Variants in DACH2 observed in about 807,000 individuals in gnomAD.
DACH2 encodes dachshund family transcription factor 2.
DACH2 carries 17 observed loss-of-function variants against 35.8 expected under a neutral mutation model. The ratio of observed to expected loss-of-function variants is 0.48; its 90% CI spans 0.33 to 0.71. The LOEUF (loss-of-function observed/expected upper bound fraction) is 0.71, where lower values mean the gene tolerates loss of function less well. Ranked by LOEUF, DACH2 falls within the 30% of genes least tolerant of loss-of-function variation. The probability of loss-of-function intolerance (pLI) is 0.02; values close to 1 mark genes in which losing one functional copy is unlikely to be tolerated. For synonymous variants in DACH2, 195 were observed against 177.3 expected, an observed-to-expected ratio of 1.10 and a Z score of -0.79; for missense variants, 469 against 472.7, an observed-to-expected ratio of 0.99 and a Z score of 0.07.
chrX:86,271,898 T>G (rs1184492149), intron 1 of DACH2, among the ~76,000 whole-genome samples: 1 of 111,149 alleles, frequency 9.0e-6, no homozygotes, highest in Non-Finnish European at 1.9e-5. Flanking sequence ...GATTGTGTAG[T>G]GGTGAAGTGA....
chrX:86,331,482 A>G (rs1326519539), intron 1 of DACH2, among the ~76,000 whole-genome samples: 1 of 110,969 alleles, frequency 9.0e-6, no homozygotes, highest in Non-Finnish European at 1.9e-5. Flanking sequence ...AAACAAACAA[A>G]CAAACAAAAA....
intron 5 of DACH2, among the ~76,000 whole-genome samples, chrX:86,702,545 A>T (rs1365772737): frequency 8.9e-6 from 1 of 112,010 alleles, no homozygotes; most frequent in Non-Finnish European, 1.9e-5. Flanking sequence ...AATCAAGAAA[A>T]GAAGAGAGAT....
chrX:86,607,864 G>A (rs1191786537), intron 3 of DACH2, among the ~76,000 whole-genome samples: 3 of 105,217 alleles, frequency 2.9e-5, no homozygotes, highest in South Asian at 4.5e-4. Flanking sequence ...TTGTTCTTGC[G>A]ATAGTTTACT....
rs1480989652 is a variant in DACH2 at position 86,818,696 on chromosome X, C to T, written c.1750+2597C>T. On this transcript the variant is annotated intron_variant, in intron 11 of 11. Transcript: ENST00000373125. ...TCAGTTCATGTATACCAATGCAATA[C>T]CATTTCCAAAATTCATCTCCATCAC... 2.7e-5 allele frequency among the ~76,000 whole-genome samples: 3 copies of T among 110,523 alleles called. No individual in the cohort carries two copies. In the East Asian group the frequency reaches 8.6e-4, roughly 32 times the overall value.
chrX:86,386,947 A>G (rs1304312355), intron 2 of DACH2, among the ~76,000 whole-genome samples: 1 of 111,432 alleles, frequency 9.0e-6, no homozygotes, highest in Admixed American at 9.7e-5. Flanking sequence ...ATTTTCCATC[A>G]TCCTAGTAAT....
chrX:86,533,723 T>C (rs1367631353), intron 3 of DACH2, among the ~76,000 whole-genome samples: 1 of 112,002 alleles, frequency 8.9e-6, no homozygotes, highest in Non-Finnish European at 1.9e-5. Flanking sequence ...GAGTACCAAG[T>C]TCTTTCTACA....
chrX:86,332,428 G>A (rs1333592807), intron 1 of DACH2, among the ~76,000 whole-genome samples: 1 of 111,486 alleles, frequency 9.0e-6, no homozygotes, highest in Non-Finnish European at 1.9e-5. Context: ...AATCCCTAAA[G>A]AGTAAAATGA....
At chrX:86,472,647 A>T (rs1295645451) in intron 2 of DACH2, among the ~76,000 whole-genome samples, 1 of 112,312 alleles carries the variant, frequency 8.9e-6, no homozygotes, top group Non-Finnish European at 1.9e-5. Flanking sequence ...TTATTTAATT[A>T]GTTGATGAGT....
chrX:86,245,058 G>A (rs2033249322), intron 1 of DACH2, among the ~76,000 whole-genome samples: 1 of 111,667 alleles, frequency 9.0e-6, no homozygotes, highest in African/African-American at 3.3e-5. Context: ...ACAAAATTAA[G>A]GTTATTACAG....
chrX:86,317,204 A>G (rs1425687092), intron 1 of DACH2, among the ~76,000 whole-genome samples: 1 of 111,021 alleles, frequency 9.0e-6, no homozygotes, highest in African/African-American at 3.3e-5. Context: ...CATAACCATG[A>G]CAACAGAGTT....
chrX:86,463,074 T>A (rs967131167), intron 2 of DACH2, among the ~76,000 whole-genome samples: 1 of 111,524 alleles, frequency 9.0e-6, no homozygotes, highest in African/African-American at 3.2e-5. Context: ...CAGATTCTGA[T>A]TGCAAAGCAC....
chrX:86,258,771 A>C (rs1034970236), intron 1 of DACH2, among the ~76,000 whole-genome samples: 6 of 112,040 alleles, frequency 5.4e-5, no homozygotes, highest in Admixed American at 1.9e-4. Flanking sequence ...GTTCTTTAGG[A>C]ATGAAATAAT....
At chrX:86,570,610 A>C (rs1602657621) in intron 3 of DACH2, among the ~76,000 whole-genome samples, 2 of 110,540 alleles carry the variant, frequency 1.8e-5, no homozygotes, top group African/African-American at 6.6e-5. Context: ...GCGGGAGAGC[A>C]TTAGGAAAAA....
intron 2 of DACH2, among the ~76,000 whole-genome samples, chrX:86,406,703 A>G (rs1352977426): frequency 8.9e-6 from 1 of 112,138 alleles, no homozygotes; most frequent in African/African-American, 3.2e-5. Flanking sequence ...TCCCTACAGC[A>G]AGCTTTGAAC....
chrX:86,441,945 T>C (rs1026990119), intron 2 of DACH2, among the ~76,000 whole-genome samples: 1 of 108,429 alleles, frequency 9.2e-6, no homozygotes, highest in Non-Finnish European at 1.9e-5. Flanking sequence ...TTCAGTGGTA[T>C]GATCAAACTC....
intron 1 of DACH2, among the ~76,000 whole-genome samples, chrX:86,322,355 C>T (rs116765462): frequency 0.011 from 1,232 of 110,419 alleles, 13 homozygotes; most frequent in African/African-American, 0.038. Flanking sequence ...AGATGGCTTG[C>T]TACCCATCCT....
At chrX:86,552,660 T>C (rs2039066032) in intron 3 of DACH2, among the ~76,000 whole-genome samples, 1 of 112,294 alleles carries the variant, frequency 8.9e-6, no homozygotes, top group Non-Finnish European at 1.9e-5. Context: ...AAGTGTACTA[T>C]AATTTTATTG....
At chrX:86,598,043 A>C (rs1301760733) in intron 3 of DACH2, among the ~76,000 whole-genome samples, 1 of 111,185 alleles carries the variant, frequency 9.0e-6, no homozygotes, top group African/African-American at 3.3e-5. Context: ...CTCTCCTTTT[A>C]AAAACCATCA....
intron 1 of DACH2, among the ~76,000 whole-genome samples, chrX:86,348,807 T>C (rs979947798): frequency 8.9e-6 from 1 of 112,627 alleles, no homozygotes; most frequent in Non-Finnish European, 1.9e-5. Context: ...AGTTCCCTTG[T>C]TCCCCTCTCA....
Sources: allele counts gnomAD v4.1 joint callset (sites outside exome capture counted in the v4.1 genomes callset), GRCh38; gene constraint gnomAD v4.1.1; transcripts MANE v1.5; gene names NCBI Gene and HGNC (gene_info 2026-07-23, HGNC 2026-07-21).